Variants in NELL2 observed in about 807,000 individuals in gnomAD.
NELL2 encodes protein kinase C-binding protein NELL2.
A neutral mutation model predicts 109.6 loss-of-function variants in NELL2; 41 were observed. That is an observed-to-expected ratio of 0.37 (90% CI 0.29 to 0.49). The LOEUF (loss-of-function observed/expected upper bound fraction) is 0.49, where lower values mean the gene tolerates loss of function less well. Ranked by LOEUF, NELL2 falls within the 20% of genes least tolerant of loss-of-function variation. The probability of loss-of-function intolerance (pLI) is 0.98; values close to 1 mark genes in which losing one functional copy is unlikely to be tolerated. For missense variants in NELL2, 900 were observed against 1,008.3 expected (o/e 0.89, Z 1.45); for synonymous variants, 355 against 344.7 (o/e 1.03, Z -0.33).
intron 3 of NELL2, among the ~76,000 whole-genome samples, chr12:44,786,921 T>G (rs1193325157): frequency 3.3e-5 from 5 of 152,070 alleles, no homozygotes; most frequent in Non-Finnish European, 7.4e-5. Context: ...AAATACCTAA[T>G]GCATGCGGGG....
Position 44,599,967 on chromosome 12 carries a change from T to G in NELL2, c.1663+7202A>C, listed in dbSNP as rs936892898. On this transcript the variant is annotated intron_variant, in intron 15 of 19. Transcript: ENST00000429094. ...GGGAAAACCTAGAATTCCGTTTTTT[T>G]TTTTTTTTTTTTGAGATGGAGTCTC... Among the ~76,000 whole-genome samples the G allele has an allele frequency of 6.9e-5, 10 of 145,516 alleles. No individual in the cohort carries two copies. In the East Asian group the frequency reaches 8.0e-4, roughly 12 times the overall value.
intron 2 of NELL2, among the ~76,000 whole-genome samples, chr12:44,825,457 G>C (rs1943681456): frequency 7.5e-6 from 1 of 133,642 alleles, no homozygotes; most frequent in African/African-American, 2.8e-5. Context: ...GTGCAGTGGT[G>C]CAATCTCATC....
At chr12:44,656,449 G>A (rs1466253172) in intron 13 of NELL2, among the ~76,000 whole-genome samples, 1 of 152,178 alleles carries the variant, frequency 6.6e-6, no homozygotes, top group Non-Finnish European at 1.5e-5. Flanking sequence ...CCAGAGAAAA[G>A]TGCCCAGTTG....
chr12:44,823,096 G>A (rs1943596779), intron 2 of NELL2, among the ~76,000 whole-genome samples: 1 of 151,852 alleles, frequency 6.6e-6, no homozygotes, highest in Non-Finnish European at 1.5e-5. Flanking sequence ...TTTTTTTGGT[G>A]GCCAAATTTC....
chr12:44,745,062 C>T (rs935540515), intron 9 of NELL2, among the ~76,000 whole-genome samples: 2 of 152,206 alleles, frequency 1.3e-5, no homozygotes, highest in Non-Finnish European at 2.9e-5. Context: ...ACATAAAATA[C>T]TGGCAAACCG....
chr12:44,607,691 A>G (rs762336203), intron 14 of NELL2, among the ~76,000 whole-genome samples: 97 of 152,106 alleles, frequency 6.4e-4, no homozygotes, highest in Non-Finnish European at 1.1e-3. Flanking sequence ...ACCATTTTGC[A>G]CACTAGCCAA....
chr12:44,840,443 TC>T (rs1027429375), intron 2 of NELL2, among the ~76,000 whole-genome samples: 42 of 152,290 alleles, frequency 2.8e-4, no homozygotes, highest in African/African-American at 9.6e-4. Flanking sequence ...ATTTGTACTT[TC>T]CCAAGCAAGG....
At chr12:44,822,898 G>T (rs908254276) in intron 2 of NELL2, among the ~76,000 whole-genome samples, 1 of 152,102 alleles carries the variant, frequency 6.6e-6, no homozygotes, top group African/African-American at 2.4e-5. Context: ...TAGACAATGT[G>T]CTAGGTATTC....
At chr12:44,861,092 G>A (rs1164679503) in intron 2 of NELL2, among the ~76,000 whole-genome samples, 2 of 152,272 alleles carry the variant, frequency 1.3e-5, no homozygotes, top group Non-Finnish European at 2.9e-5. Context: ...AAAACCAGGT[G>A]AGAGATTGCA....
chr12:44,555,473 G>A (rs938621638), intron 15 of NELL2, among the ~76,000 whole-genome samples: 1 of 152,032 alleles, frequency 6.6e-6, no homozygotes, highest in Admixed American at 6.6e-5. Flanking sequence ...AGTTTTAGTA[G>A]GCTTTCCTAA....
chr12:44,871,898 G>A (rs939271269), intron 2 of NELL2, among the ~76,000 whole-genome samples: 1 of 152,076 alleles, frequency 6.6e-6, no homozygotes, highest in Non-Finnish European at 1.5e-5. Context: ...GGATTAATGA[G>A]ATTATAAAAT....
chr12:44,871,029 T>C (rs761390334), intron 2 of NELL2, among the ~76,000 whole-genome samples: 1 of 152,122 alleles, frequency 6.6e-6, no homozygotes. Flanking sequence ...TCATATCACA[T>C]GCCCTATGTT....
chr12:44,793,366 T>C (rs1205161439), intron 3 of NELL2, among the ~76,000 whole-genome samples: 2 of 152,208 alleles, frequency 1.3e-5, no homozygotes, highest in African/African-American at 4.8e-5. Context: ...ACTAATGAGT[T>C]CTATAATAAT....
Position 44,711,400 on chromosome 12 carries a change from A to G in NELL2, c.1087-6T>C. On this transcript the variant is annotated splice_polypyrimidine_tract_variant and splice_region_variant and intron_variant, in intron 10 of 19. Coordinates refer to ENST00000429094, the MANE Select transcript of NELL2 (RefSeq NM_001145108.2). ...ACAAGTTTCATGGTCTGGTCCTGTT[A>G]GACAACAGAAAAGAAGTGCTTCAAA... 6.2e-7 allele frequency: 1 copy of G among 1,608,930 alleles called. No individual in the cohort carries two copies. The highest frequency in any genetic ancestry group is 1.1e-5 in the South Asian group (1 of 90,960).
intron 2 of NELL2, among the ~76,000 whole-genome samples, chr12:44,867,577 T>A (rs1317746691): frequency 6.6e-6 from 1 of 152,178 alleles, no homozygotes; most frequent in Non-Finnish European, 1.5e-5. Flanking sequence ...AAGACAAGGA[T>A]GCCCAATCTT....
chr12:44,586,673 ACAGAGTTGCTATGC>A (rs1944518308), intron 15 of NELL2, among the ~76,000 whole-genome samples: 1 of 152,206 alleles, frequency 6.6e-6, no homozygotes, highest in African/African-American at 2.4e-5. Context: ...ACTTTTTCTC[ACAGAGTTGCTATGC>A]CAAGTACAAT....
chr12:44,609,008 A>G (rs1031666671), intron 14 of NELL2, among the ~76,000 whole-genome samples: 6 of 151,840 alleles, frequency 4.0e-5, no homozygotes, highest in Admixed American at 3.3e-4. Flanking sequence ...AATTTATAAT[A>G]AAATAGGTCA....
intron 1 of NELL2, among the ~76,000 whole-genome samples, chr12:44,908,470 A>T (rs1168907498): frequency 6.6e-6 from 1 of 152,000 alleles, no homozygotes; most frequent in Admixed American, 6.6e-5. Flanking sequence ...GATTTTGACA[A>T]GGTTGCAATT....
chr12:44,587,693 C>G (rs957465491), intron 15 of NELL2, among the ~76,000 whole-genome samples: 1 of 152,036 alleles, frequency 6.6e-6, no homozygotes, highest in African/African-American at 2.4e-5. Flanking sequence ...TTTTAAAACT[C>G]CAGGTTTTCT....
Sources: gnomAD v4.1 joint callset for allele counts (sites outside exome capture counted in the v4.1 genomes callset) on GRCh38, gnomAD v4.1.1 for gene constraint, MANE v1.5 for transcripts, NCBI Gene and HGNC (gene_info 2026-07-23, HGNC 2026-07-21) for gene names.